Variants in RSF1 observed in about 807,000 individuals in gnomAD.
RSF1 encodes the protein HBV pX-associated protein 8.
A neutral mutation model predicts 145.2 loss-of-function variants in RSF1; 13 were observed. The ratio of observed to expected loss-of-function variants is 0.09; its 90% CI spans 0.06 to 0.14. The LOEUF is 0.14. RSF1 is among the 10% of genes least tolerant of loss of function. The probability of loss-of-function intolerance (pLI) is 1.00; values close to 1 mark genes in which losing one functional copy is unlikely to be tolerated. For missense variants in RSF1, 1,517 were observed against 1,718.2 expected (o/e 0.88, Z 2.07); for synonymous variants, 577 against 592.6 (o/e 0.97, Z 0.38).
intron 1 of RSF1, among the ~76,000 whole-genome samples, chr11:77,776,394 TTG>T (rs1473161153): frequency 6.6e-6 from 1 of 152,182 alleles, no homozygotes; most frequent in African/African-American, 2.4e-5. Context: ...AATTTATATT[TTG>T]TCTTTACTCC....
chr11:77,734,136 A>C (rs1009820319), intron 4 of RSF1, among the ~76,000 whole-genome samples: 4 of 152,206 alleles, frequency 2.6e-5, no homozygotes, highest in African/African-American at 9.6e-5. Flanking sequence ...TTATAGGTCA[A>C]AATGTTCAAA....
intron 4 of RSF1, chr11:77,735,086 C>T: frequency 1.0e-6 from 1 of 990,296 alleles, no homozygotes; most frequent in Non-Finnish European, 1.6e-6. Flanking sequence ...GGGGCGGCGG[C>T]AGGGGCCTTG....
chr11:77,849,312 C>A, the RSF1 span, among the ~76,000 whole-genome samples: 1 of 152,122 alleles, frequency 6.6e-6, no homozygotes, highest in South Asian at 2.1e-4. Context: ...ACCTCTGACT[C>A]CCGGGTTCAA....
chr11:77,823,850 A>G (rs950106567), upstream of RSF1, among the ~76,000 whole-genome samples: 3 of 151,910 alleles, frequency 2.0e-5, no homozygotes, highest in East Asian at 1.9e-4. Context: ...TGTACTTTCT[A>G]TCTTTGCTTC....
chr11:77,861,588 GGGCA>G, the RSF1 span, among the ~76,000 whole-genome samples: 2 of 152,206 alleles, frequency 1.3e-5, no homozygotes, highest in Non-Finnish European at 2.9e-5. Flanking sequence ...TCGTCCCCTG[GGGCA>G]GTGGGCCTTC....
At chr11:77,762,884 T>G (rs1024057708) in intron 2 of RSF1, 1 of 152,158 alleles carries the variant, frequency 6.6e-6, no homozygotes, top group African/African-American at 2.4e-5. Flanking sequence ...GAGAGCACTG[T>G]AAGAGCCATG....
chr11:77,751,200 T>C (rs1229803058), intron 2 of RSF1, among the ~76,000 whole-genome samples: 1 of 152,144 alleles, frequency 6.6e-6, no homozygotes, highest in Non-Finnish European at 1.5e-5. Context: ...ATAGACTTTA[T>C]CTCAGTGGGA....
intron 3 of RSF1, among the ~76,000 whole-genome samples, chr11:77,743,639 T>C (rs963443954): frequency 6.6e-6 from 1 of 152,212 alleles, no homozygotes; most frequent in South Asian, 2.1e-4. Context: ...GGATTTTTTA[T>C]ACATAAAATC....
chr11:77,700,583 A>C, intron 6 of RSF1, 138 bp downstream of exon 6: 3 of 606,672 alleles, frequency 4.9e-6, no homozygotes, highest in Non-Finnish European at 8.3e-6. Context: ...TAAGAGTATA[A>C]AGTCTGAAAA....
chr11:77,779,031 A>C, intron 1 of RSF1, among the ~76,000 whole-genome samples: 1 of 151,726 alleles, frequency 6.6e-6, no homozygotes, highest in South Asian at 2.1e-4. Flanking sequence ...TGCAGCATCC[A>C]CCTCCCAGGT....
chr11:77,682,481 T>G (rs574857957), intron 11 of RSF1, among the ~76,000 whole-genome samples: 1 of 152,218 alleles, frequency 6.6e-6, no homozygotes, highest in Non-Finnish European at 1.5e-5. Context: ...GAAAGAACAC[T>G]AGACTGGAAG....
intron 4 of RSF1, chr11:77,739,589 T>C (rs1169052789): frequency 1.3e-5 from 2 of 152,230 alleles, no homozygotes; most frequent in Non-Finnish European, 2.9e-5. Flanking sequence ...CTACGGGTTA[T>C]TTTTTCAAAG....
the RSF1 span, among the ~76,000 whole-genome samples, chr11:77,855,150 C>T: frequency 3.3e-5 from 5 of 152,150 alleles, no homozygotes; most frequent in Non-Finnish European, 5.9e-5. Context: ...CCCACAAAAC[C>T]ATTATTTCCT....
intron 1 of RSF1, among the ~76,000 whole-genome samples, chr11:77,799,659 T>C (rs1948608268): frequency 6.6e-6 from 1 of 152,142 alleles, no homozygotes; most frequent in Admixed American, 6.5e-5. Context: ...TTATTTCCTG[T>C]CTCTATGAAT....
At chr11:77,804,363 G>C (rs911159549) in intron 1 of RSF1, among the ~76,000 whole-genome samples, 1 of 152,190 alleles carries the variant, frequency 6.6e-6, no homozygotes, top group Non-Finnish European at 1.5e-5. Flanking sequence ...AGCCTGTCGG[G>C]TAGAAGGGCA....
the RSF1 span, among the ~76,000 whole-genome samples, chr11:77,863,771 C>T: frequency 6.6e-6 from 1 of 151,490 alleles, no homozygotes; most frequent in South Asian, 2.1e-4. Flanking sequence ...TGCCTCAGCC[C>T]CTCAAAGCAC....
chr11:77,725,013 G>T (rs138659150), intron 5 of RSF1, among the ~76,000 whole-genome samples: 1 of 152,120 alleles, frequency 6.6e-6, no homozygotes, highest in African/African-American at 2.4e-5. Context: ...ATGATTCCTC[G>T]GATATGAATG....
chr11:77,801,008 CTCTCA>C (rs1323782186), intron 1 of RSF1, among the ~76,000 whole-genome samples: 1 of 145,600 alleles, frequency 6.9e-6, no homozygotes, highest in Non-Finnish European at 1.5e-5. Flanking sequence ...TTCTCTCTCT[CTCTCA>C]AAAAAAAAAA....
At chr11:77,728,642 A>G (rs1477647841) in intron 4 of RSF1, among the ~76,000 whole-genome samples, 1 of 151,956 alleles carries the variant, frequency 6.6e-6, no homozygotes, top group Non-Finnish European at 1.5e-5. Context: ...GAAGGGAAGG[A>G]AAGGAAAGGG....
Sources: allele counts gnomAD v4.1 joint callset (sites outside exome capture counted in the v4.1 genomes callset), GRCh38; gene constraint gnomAD v4.1.1; transcripts MANE v1.5; gene names NCBI Gene and HGNC (gene_info 2026-07-23, HGNC 2026-07-21).